Variants in PITPNA observed in about 807,000 individuals in gnomAD.
The protein encoded by PITPNA is phosphatidylinositol transfer protein alpha.
A neutral mutation model predicts 50.3 loss-of-function variants in PITPNA; 13 were observed. That is an observed-to-expected ratio of 0.26 (90% confidence interval 0.17 to 0.41). PITPNA has a LOEUF of 0.41. Among genes scored for constraint, PITPNA ranks in the 10% least tolerant of loss-of-function variants. PITPNA has a pLI of 1.00. For synonymous variants in PITPNA, 120 were observed against 119.6 expected (o/e 1.00, Z -0.02); for missense variants, 207 against 333.4 (o/e 0.62, Z 2.95).
At chr17:1,561,909 T>C (rs1471063314) in intron 1 of PITPNA, among the ~76,000 whole-genome samples, 1 of 152,156 alleles carries the variant, frequency 6.6e-6, no homozygotes, top group Non-Finnish European at 1.5e-5. Flanking sequence ...GTGTGAACTG[T>C]TCGGCCCTCC....
chr17:1,543,074 A>C (rs769352679), intron 4 of PITPNA, 47 bp from the exon 5 acceptor site: 21 of 1,487,226 alleles, frequency 1.4e-5, no homozygotes, highest in Non-Finnish European at 1.8e-5. Context: ...AAGATTAATG[A>C]AGATGAAGAA....
At chr17:1,534,062 G>A (rs1384742120) in intron 10 of PITPNA, 37 bp downstream of exon 10, 3 of 1,612,128 alleles carry the variant, frequency 1.9e-6, no homozygotes, top group Admixed American at 3.3e-5. Flanking sequence ...ATCTTCGTTT[G>A]TTTATCTAAT....
intron 9 of PITPNA, among the ~76,000 whole-genome samples, chr17:1,534,940 T>C (rs539691689): frequency 1.3e-5 from 2 of 152,350 alleles, no homozygotes; most frequent in East Asian, 1.9e-4. Flanking sequence ...GCAGGCCACA[T>C]GGGCTGGGCC....
rs375707880 is a variant in PITPNA at position 1,558,679 on chromosome 17, C to G, written c.21-120G>C. The G allele has an allele frequency of 1.5e-4, 107 of 722,018 alleles. 1 individual carries two copies. In the African/African-American group the frequency reaches 1.6e-3, roughly 11 times the overall value. 44.7% of individuals were successfully genotyped at this position (722,018 alleles called of 1,614,324 possible). On this transcript the variant is annotated intron_variant, in intron 1 of 11. Transcript: ENST00000313486. ...TTGTGTAAGACACTAAATTCAGTGA[C>G]GAAAACCCCACAGAGAATGGCCCTT...
intron 9 of PITPNA, among the ~76,000 whole-genome samples, 182 bp downstream of exon 9, chr17:1,535,000 T>G (rs2075606873): frequency 6.6e-6 from 1 of 151,880 alleles, no homozygotes; most frequent in African/African-American, 2.4e-5. Flanking sequence ...ACGCAGTCAC[T>G]GGGAAGGCCT....
chr17:1,531,486 T>C (rs1453873870), intron 10 of PITPNA, among the ~76,000 whole-genome samples: 1 of 151,980 alleles, frequency 6.6e-6, no homozygotes, highest in South Asian at 2.1e-4. Context: ...GCCGAGATCG[T>C]GCCACTGCAC....
chr17:1,539,103 C>T (rs927551403), intron 6 of PITPNA, among the ~76,000 whole-genome samples, 151 bp from the exon 7 acceptor site: 1 of 152,126 alleles, frequency 6.6e-6, no homozygotes, highest in African/African-American at 2.4e-5. Context: ...CAAAATTATC[C>T]AAAGAAATGG....
intron 1 of PITPNA, among the ~76,000 whole-genome samples, chr17:1,561,958 G>A (rs947981535): frequency 6.6e-6 from 1 of 152,038 alleles, no homozygotes; most frequent in African/African-American, 2.4e-5. Flanking sequence ...CTGCCCCGGT[G>A]CGCCTCTTCC....
intron 3 of PITPNA, among the ~76,000 whole-genome samples, chr17:1,550,941 T>C (rs546245210): frequency 6.6e-6 from 1 of 152,094 alleles, no homozygotes; most frequent in South Asian, 2.1e-4. Flanking sequence ...GGAAGGGACA[T>C]GTTGGAGACG....
Position 1,547,482 on chromosome 17 carries a change from T to A in PITPNA, c.289+814A>T, listed in dbSNP as rs545755167. ...CTGGCCAACATGGTGAAACACCGTC[T>A]CTACTAAAAATACAAAAATTAGCCG... is the stretch of plus-strand genomic sequence containing the variant. On this transcript the variant is annotated intron_variant, in intron 4 of 11. Transcript: ENST00000313486. Among the ~76,000 whole-genome samples the A allele has an allele frequency of 1.1e-4, 17 of 152,088 alleles. No homozygotes were observed. In the South Asian group the frequency reaches 3.5e-3, roughly 32 times the overall value.
At chr17:1,523,146 T>G (rs1350196255) in intron 10 of PITPNA, among the ~76,000 whole-genome samples, 2 of 144,734 alleles carry the variant, frequency 1.4e-5, no homozygotes, top group African/African-American at 2.7e-5. Context: ...ACTGGCACCT[T>G]CCAGGCAGAC....
chr17:1,556,053 A>C (rs1359030587), intron 2 of PITPNA, among the ~76,000 whole-genome samples: 1 of 152,192 alleles, frequency 6.6e-6, no homozygotes, highest in Non-Finnish European at 1.5e-5. Flanking sequence ...AAGTGAATCC[A>C]CCAGTCACAA....
At chr17:1,551,948 C>T (rs901799165) in intron 3 of PITPNA, among the ~76,000 whole-genome samples, 15 of 149,360 alleles carry the variant, frequency 1.0e-4, no homozygotes, top group Non-Finnish European at 1.5e-4. Flanking sequence ...CCTCGCACCC[C>T]GGTACTGAGG....
At chr17:1,544,145 G>A (rs975224618) in intron 4 of PITPNA, among the ~76,000 whole-genome samples, 5 of 152,042 alleles carry the variant, frequency 3.3e-5, no homozygotes, top group South Asian at 2.1e-4. Flanking sequence ...CTCCTAGTTC[G>A]GCCTCTCCGA....
chr17:1,554,125 C>T (rs2075723272), intron 2 of PITPNA, among the ~76,000 whole-genome samples: 2 of 152,236 alleles, frequency 1.3e-5, no homozygotes, highest in Admixed American at 1.3e-4. Context: ...CCGCCTTCTT[C>T]TCTGAGAAGC....
At chr17:1,558,054 A>C (rs1030578657) in intron 2 of PITPNA, among the ~76,000 whole-genome samples, 1 of 152,078 alleles carries the variant, frequency 6.6e-6, no homozygotes, top group Admixed American at 6.6e-5. Flanking sequence ...AACATGGTGA[A>C]AGCCCATCTC....
chr17:1,554,746 A>G (rs1346092130), intron 2 of PITPNA, among the ~76,000 whole-genome samples: 1 of 152,146 alleles, frequency 6.6e-6, no homozygotes, highest in African/African-American at 2.4e-5. Context: ...GACGAGGACA[A>G]TTCACTGCTC....
intron 3 of PITPNA, among the ~76,000 whole-genome samples, chr17:1,548,798 G>A (rs1218212537): frequency 1.3e-5 from 2 of 152,226 alleles, no homozygotes; most frequent in African/African-American, 4.8e-5. Flanking sequence ...ACTTGGGTTT[G>A]GGATCCAGGA....
At chr17:1,534,294 TCCACACGAATAC>T in intron 9 of PITPNA, 73 bp from the exon 10 acceptor site, 1 of 1,581,130 alleles carries the variant, frequency 6.3e-7, no homozygotes, top group East Asian at 2.2e-5. Context: ...CTCCATGCAC[TCCACACGAATAC>T]CCACACTAGA....
Sources: gnomAD v4.1 joint callset for allele counts (sites outside exome capture counted in the v4.1 genomes callset) on GRCh38, gnomAD v4.1.1 for gene constraint, MANE v1.5 for transcripts, NCBI Gene and HGNC (gene_info 2026-07-23, HGNC 2026-07-21) for gene names.